The following C16orf89 variants were observed in gnomAD, a reference collection of about 807,000 sequenced individuals.
C16orf89 encodes chromosome 16 open reading frame 89.
A neutral mutation model predicts 41.5 loss-of-function variants in C16orf89; 57 were observed. The ratio of observed to expected loss-of-function variants is 1.38; its 90% CI spans 1.11 to 1.71. The LOEUF is 1.71. Ranked by LOEUF, C16orf89 falls within the 40% of genes most tolerant of loss-of-function variation. The pLI, the probability that C16orf89 is intolerant of heterozygous loss-of-function variation, is 0.00. For synonymous variants in C16orf89, 223 were observed against 190.6 expected (o/e 1.17, Z -1.40); for missense variants, 575 against 445.9 (o/e 1.29, Z -2.61).
intron 4 of C16orf89, among the ~76,000 whole-genome samples, chr16:5,056,567 G>A (rs907193110): frequency 1.3e-5 from 2 of 152,144 alleles, no homozygotes; most frequent in South Asian, 2.1e-4. Context: ...CTCTGTGACC[G>A]ATCGCGGGGG....
intron 6 of C16orf89, 101 bp from the exon 7 acceptor site, chr16:5,048,065 A>G (rs1324578051): frequency 1.1e-5 from 8 of 698,620 alleles, no homozygotes; most frequent in African/African-American, 1.1e-4. Context: ...GTCTCATTCT[A>G]TTGGCCAGGC....
Position 5,056,170 on chromosome 16 carries a change from G to T in C16orf89, c.646C>A (p.Pro216Thr), listed in dbSNP as rs1645627945. 2 of 1,590,648 alleles carry T rather than the reference G, an allele frequency of 1.3e-6. No individual in the cohort carries two copies. The highest frequency in any genetic ancestry group is 1.3e-5 in the African/African-American group (1 of 74,650). Residue 216 changes from proline (P) to threonine (T), a missense_variant, in exon 5 of 8, where the codon CCA becomes ACA. Pro to Thr is a conservative substitution (Grantham distance 38). Transcript: ENST00000472572. ...WARMRGCTQG[P>T]LQQSQDYINL... The stretch of plus-strand genomic sequence containing the variant: ...ATATAGTCCTGGCTCTGTTGGAGTG[G>T]TCCCTGTGTGCACCCCCTCTGGGGA...
rs138417868 is a variant in C16orf89, at chr16:5,063,754, C to A, written c.209-1180G>T. Reference sequence around the variant, plus strand: ...ACCCCCAGACGGGATTATCTACTTGCAGGAAAACAGTCTCAGGGCTTCAAC... The same window carrying A: ...ACCCCCAGACGGGATTATCTACTTGAAGGAAAACAGTCTCAGGGCTTCAAC... On this transcript the variant is annotated intron_variant, in intron 1 of 7. Coordinates refer to ENST00000472572, the MANE Select transcript of C16orf89 (RefSeq NM_001098514.3). Among the ~76,000 whole-genome samples the A allele has an allele frequency of 7.2e-5, 11 of 152,320 alleles. No individual in the cohort carries two copies. In the East Asian group the frequency reaches 2.1e-3, roughly 29 times the overall value.
intron 1 of C16orf89, among the ~76,000 whole-genome samples, chr16:5,064,825 C>A (rs1373472749): frequency 6.6e-6 from 1 of 152,162 alleles, no homozygotes; most frequent in Admixed American, 6.5e-5. Context: ...GCCGCTTTCC[C>A]AGTGAATGCT....
At chr16:5,046,820 T>G (rs549126933) in intron 7 of C16orf89, among the ~76,000 whole-genome samples, 9 of 152,286 alleles carry the variant, frequency 5.9e-5, no homozygotes, top group African/African-American at 2.2e-4. Context: ...TGTTCTCACT[T>G]TCTTTACATT....
At position 5,054,608 on chromosome 16, in the gene C16orf89, A is replaced by G. The variant is rs561321083; in HGVS notation, c.868+638T>C. ...GTGTCTGGTACATTAGTGGGTGCTC[A>G]ATACGTACTTGCTGAATGAATGCTG... On this transcript the variant is annotated intron_variant, in intron 6 of 7. Coordinates refer to ENST00000472572, the MANE Select transcript of C16orf89 (RefSeq NM_001098514.3). 4.6e-5 allele frequency among the ~76,000 whole-genome samples: 7 copies of G among 152,234 alleles called. No individual in the cohort carries two copies. In the South Asian group the frequency reaches 1.5e-3, roughly 32 times the overall value.
chr16:5,048,082 C>A, intron 6 of C16orf89, 118 bp from the exon 7 acceptor site: 1 of 641,884 alleles, frequency 1.6e-6, no homozygotes, highest in South Asian at 1.8e-5. Flanking sequence ...AGGCTGGGTG[C>A]AGTAACGCAA....
rs370420720 is a variant in C16orf89, at chr16:5,056,087, G to T, written c.729C>A (p.Tyr243Ter). 1 of 1,597,794 alleles carries T rather than the reference G, an allele frequency of 6.3e-7. No homozygotes were observed. Among genetic ancestry groups the T allele is most frequent in the South Asian group, 1.1e-5 (1 of 90,756 alleles). ...DLNRRAEAIG[Y>*]AYPTRDIFME... is the part of the protein sequence containing the mutation. ...TGAAGATGTCCCGGGTAGGGTAGGCGTATCCGATGGCCTCAGCTCTGCGGT... is the reference window on the plus strand; with the variant it reads ...TGAAGATGTCCCGGGTAGGGTAGGCTTATCCGATGGCCTCAGCTCTGCGGT... Residue 243 changes from tyrosine to a stop codon, truncating the protein, a stop_gained, in exon 5 of 8, where the codon TAC becomes TAA. Transcript: ENST00000472572. LOFTEE classifies it high-confidence loss of function.
chr16:5,058,662 G>A, intron 3 of C16orf89, 52 bp from the exon 4 acceptor site: 2 of 1,433,836 alleles, frequency 1.4e-6, no homozygotes, highest in Non-Finnish European at 9.6e-7. Context: ...ACTCTGCCCT[G>A]CGTCTTCCCA....
chr16:5,051,207 A>G (rs768401710), intron 6 of C16orf89, among the ~76,000 whole-genome samples: 1 of 152,218 alleles, frequency 6.6e-6, no homozygotes. Flanking sequence ...AGCCAGAGCA[A>G]TTAAGCAAGA....
chr16:5,059,035 T>A (rs1031953351), intron 3 of C16orf89, among the ~76,000 whole-genome samples: 12 of 151,574 alleles, frequency 7.9e-5, no homozygotes, highest in Non-Finnish European at 1.3e-4. Flanking sequence ...AGGTCAGGAG[T>A]TCGAGACCAG....
chr16:5,045,124 C>G (rs1212937558), intron 7 of C16orf89, among the ~76,000 whole-genome samples: 1 of 152,250 alleles, frequency 6.6e-6, no homozygotes, highest in African/African-American at 2.4e-5. Flanking sequence ...AGGCCGCATC[C>G]TGTCCAGCTC....
chr16:5,065,060 G>C (rs1369442806), intron 1 of C16orf89, among the ~76,000 whole-genome samples: 1 of 152,194 alleles, frequency 6.6e-6, no homozygotes, highest in Non-Finnish European at 1.5e-5. Flanking sequence ...TTGTGTGTGT[G>C]TGTGATATGC....
chr16:5,044,485 G>A lies in C16orf89; in HGVS notation c.956-7C>T. The A allele has an allele frequency of 1.2e-6, 2 of 1,612,200 alleles. No individual in the cohort carries two copies. Among genetic ancestry groups the A allele is most frequent in the South Asian group, 2.2e-5 (2 of 90,876 alleles). On this transcript the variant is annotated splice_polypyrimidine_tract_variant and splice_region_variant and intron_variant, in intron 7 of 7. Transcript: ENST00000472572. ...TTGTGGGAGGAGCAGCCATCTAGGG[G>A]AGAGAGCCCCCATGAGTGCTGGGTG... is the stretch of plus-strand genomic sequence containing the variant.
intron 7 of C16orf89, among the ~76,000 whole-genome samples, 186 bp downstream of exon 7, chr16:5,047,692 T>A (rs1956324250): frequency 6.6e-6 from 1 of 152,096 alleles, no homozygotes; most frequent in Non-Finnish European, 1.5e-5. Flanking sequence ...ATCTCCCCAC[T>A]TTCTAAGAGG....
chr16:5,048,194 A>G (rs1956335249), intron 6 of C16orf89, among the ~76,000 whole-genome samples: 1 of 152,050 alleles, frequency 6.6e-6, no homozygotes, highest in Admixed American at 6.6e-5. Context: ...ATGTCCAGCT[A>G]TTTAAAAAAA....
chr16:5,050,170 C>G (rs1956371612), intron 6 of C16orf89, among the ~76,000 whole-genome samples: 1 of 152,196 alleles, frequency 6.6e-6, no homozygotes, highest in South Asian at 2.1e-4. Context: ...GAGTTCGAGA[C>G]CAGCCTGGTC....
chr16:5,057,759 T>C (rs1956540536), intron 4 of C16orf89, among the ~76,000 whole-genome samples: 1 of 151,804 alleles, frequency 6.6e-6, no homozygotes, highest in African/African-American at 2.4e-5. Context: ...GAACTCCTGA[T>C]CTCAAGTGAT....
At chr16:5,060,903 C>A (rs1956604340) in intron 2 of C16orf89, among the ~76,000 whole-genome samples, 1 of 139,902 alleles carries the variant, frequency 7.1e-6, no homozygotes, top group African/African-American at 2.7e-5. Context: ...AGGAAGGTTG[C>A]TTGAGTCTAG....
Sources: allele counts gnomAD v4.1 joint callset (sites outside exome capture counted in the v4.1 genomes callset), GRCh38; gene constraint gnomAD v4.1.1; transcripts MANE v1.5; gene names NCBI Gene and HGNC (gene_info 2026-07-23, HGNC 2026-07-21).